The following ITPR2 variants were observed in gnomAD, a reference collection of about 807,000 sequenced individuals.
The protein encoded by ITPR2 is inositol 1,4,5-trisphosphate receptor type 2.
ITPR2 carries 207 observed loss-of-function variants against 317.1 expected under a neutral mutation model. The observed-to-expected ratio is 0.65, with a 90% confidence interval of 0.58 to 0.73. The LOEUF (loss-of-function observed/expected upper bound fraction) is 0.73, where lower values mean the gene tolerates loss of function less well. Ranked by LOEUF, ITPR2 falls within the 30% of genes least tolerant of loss-of-function variation. The probability of loss-of-function intolerance (pLI) is 0.00; values close to 1 mark genes in which losing one functional copy is unlikely to be tolerated. For missense variants in ITPR2, 2,613 were observed against 3,284.0 expected, an observed-to-expected ratio of 0.80 and a Z score of 4.99; for synonymous variants, 1,156 against 1,149.1, an observed-to-expected ratio of 1.01 and a Z score of -0.12.
rs760508679 is a variant in ITPR2, at chr12:26,543,856, AT to A, written c.5073+6390del. 4.6e-5 allele frequency among the ~76,000 whole-genome samples: 7 copies of A among 152,252 alleles called. No homozygotes were observed. The East Asian group carries it at 1.2e-3, about 25-fold the overall frequency. ...CCTACCCCAATGTTCCAACATACAT[AT>A]TTTTTTAAAGTACAAATAAATATGC... On this transcript the variant is annotated intron_variant, in intron 37 of 56. Transcript: ENST00000381340.
At chr12:26,626,084 C>T (rs1180006395) in intron 23 of ITPR2, among the ~76,000 whole-genome samples, 1 of 152,180 alleles carries the variant, frequency 6.6e-6, no homozygotes, top group Non-Finnish European at 1.5e-5. Context: ...GCCTCAGCCT[C>T]CTGAGTAGCT....
chr12:26,760,016 T>C lies in ITPR2; in HGVS notation c.163+30141A>G, dbSNP rs868210401. 4.6e-5 allele frequency among the ~76,000 whole-genome samples: 7 copies of C among 152,332 alleles called. 1 individual carries two copies. In the Middle Eastern group the frequency reaches 0.02, roughly 444 times the overall value. ...TCTACAGAAGCTCAAGTCCCTGATATAAAATGCTATAGTATTTGCATATAG... is the reference window on the plus strand; with the variant it reads ...TCTACAGAAGCTCAAGTCCCTGATACAAAATGCTATAGTATTTGCATATAG... On this transcript the variant is annotated intron_variant, in intron 2 of 56. Coordinates refer to ENST00000381340, the MANE Select transcript of ITPR2 (RefSeq NM_002223.4).
At chr12:26,452,339 T>C (rs1056912709) in intron 45 of ITPR2, among the ~76,000 whole-genome samples, 1 of 151,640 alleles carries the variant, frequency 6.6e-6, no homozygotes, top group Non-Finnish European at 1.5e-5. Context: ...AATGTTAACA[T>C]GTAGATACTC....
At position 26,339,369 on chromosome 12, in the gene ITPR2, A is replaced by C; in HGVS notation, c.*28T>G. On this transcript the variant is annotated 3_prime_UTR_variant, in exon 57 of 57. Coordinates refer to ENST00000381340, the MANE Select transcript of ITPR2 (RefSeq NM_002223.4). The stretch of plus-strand genomic sequence containing the variant: ...AGTGATCAGGCAGGACACTGATGAA[A>C]GGCTAGTCACGGCTTCCCCCCATGG... The C allele has an allele frequency of 6.3e-7, 1 of 1,576,148 alleles. No homozygotes were observed. The highest frequency in any genetic ancestry group is 8.7e-7 in the Non-Finnish European group (1 of 1,146,080).
rs78919001 is a variant in ITPR2, at chr12:26,681,990, G to A, written c.1293C>T (p.Ile431=). Reference sequence around the variant, plus strand: ...GAACTTCAGACAGTGGAACAGACACGATTGCGAACGCTTCTTTATCTTCTT... The same window carrying A: ...GAACTTCAGACAGTGGAACAGACACAATTGCGAACGCTTCTTTATCTTCTT... ...QTKEDKEAFA[I]VSVPLSEVRD... The change falls in exon 13 of 57, where the codon ATC becomes ATT. Residue 431 remains isoleucine (I), a synonymous_variant. Transcript: ENST00000381340. 3.9e-4 allele frequency: 629 copies of A among 1,613,586 alleles called. 2 individuals are homozygous for A. The Middle Eastern group carries it at 4.5e-3, about 11-fold the overall frequency.
At chr12:26,705,716 C>T (rs192518043) in intron 9 of ITPR2, among the ~76,000 whole-genome samples, 17 of 152,296 alleles carry the variant, frequency 1.1e-4, no homozygotes, top group African/African-American at 3.8e-4. Context: ...GCTAGTTCTC[C>T]AAAGCCAGAA....
chr12:26,754,909 C>A (rs761144277), intron 2 of ITPR2, among the ~76,000 whole-genome samples: 2 of 152,132 alleles, frequency 1.3e-5, no homozygotes, highest in African/African-American at 4.8e-5. Context: ...AGATTGAATA[C>A]ATTTGTCTGT....
At chr12:26,432,226 C>T (rs898300329) in intron 48 of ITPR2, among the ~76,000 whole-genome samples, 13 of 129,360 alleles carry the variant, frequency 1.0e-4, no homozygotes, top group Middle Eastern at 3.4e-3. Context: ...TCAGTTGTCA[C>T]GTCTCTTTAG....
chr12:26,478,473 C>T (rs1942466333), intron 43 of ITPR2, among the ~76,000 whole-genome samples: 1 of 152,040 alleles, frequency 6.6e-6, no homozygotes, highest in Admixed American at 6.6e-5. Context: ...AAAACCTTGG[C>T]AACACTGACA....
intron 34 of ITPR2, 50 bp downstream of exon 34, chr12:26,578,663 T>C: frequency 1.3e-6 from 2 of 1,542,398 alleles, no homozygotes; most frequent in Non-Finnish European, 1.8e-6. Flanking sequence ...GCCAAAAACC[T>C]AATTTCTTCA....
intron 2 of ITPR2, among the ~76,000 whole-genome samples, chr12:26,744,041 T>A (rs1565732936): frequency 6.6e-6 from 1 of 152,238 alleles, no homozygotes; most frequent in Non-Finnish European, 1.5e-5. Context: ...AGCAACAGTC[T>A]ACTAACAAGT....
intron 21 of ITPR2, among the ~76,000 whole-genome samples, chr12:26,647,245 G>A (rs956117270): frequency 2.0e-5 from 3 of 152,210 alleles, no homozygotes; most frequent in Non-Finnish European, 4.4e-5. Context: ...TTTCCAGACT[G>A]TGTCCACTCC....
intron 37 of ITPR2, among the ~76,000 whole-genome samples, chr12:26,547,417 G>C (rs1257119684): frequency 6.6e-6 from 1 of 152,188 alleles, no homozygotes; most frequent in Non-Finnish European, 1.5e-5. Context: ...ACGTTGATGA[G>C]GATGTGGAGA....
intron 2 of ITPR2, among the ~76,000 whole-genome samples, chr12:26,782,689 A>G (rs1950118591): frequency 6.6e-6 from 1 of 152,212 alleles, no homozygotes; most frequent in Non-Finnish European, 1.5e-5. Flanking sequence ...CCACTGCAAA[A>G]TCAGGATAGC....
intron 34 of ITPR2, among the ~76,000 whole-genome samples, chr12:26,575,364 G>C (rs531883204): frequency 5.3e-5 from 8 of 151,916 alleles, no homozygotes; most frequent in African/African-American, 1.9e-4. Flanking sequence ...TTAATTTCCT[G>C]CAGTGGTCCA....
intron 13 of ITPR2, among the ~76,000 whole-genome samples, chr12:26,670,303 T>A (rs1336112896): frequency 1.3e-5 from 2 of 152,024 alleles, no homozygotes; most frequent in Non-Finnish European, 2.9e-5. Context: ...CACCCCCCAG[T>A]AGGGGCAGAC....
chr12:26,479,019 T>C (rs1942483002), intron 43 of ITPR2, among the ~76,000 whole-genome samples: 1 of 151,698 alleles, frequency 6.6e-6, no homozygotes, highest in South Asian at 2.1e-4. Context: ...AAGTACCCTA[T>C]GCAAGGAAGT....
intron 55 of ITPR2, among the ~76,000 whole-genome samples, chr12:26,351,546 C>T (rs1938485383): frequency 6.6e-6 from 1 of 152,288 alleles, no homozygotes; most frequent in Admixed American, 6.5e-5. Flanking sequence ...ACCAGCTACT[C>T]AGGAGATTGA....
At chr12:26,774,708 C>T (rs951070295) in intron 2 of ITPR2, among the ~76,000 whole-genome samples, 4 of 152,122 alleles carry the variant, frequency 2.6e-5, no homozygotes, top group Admixed American at 1.3e-4. Context: ...GTCCTCAGGC[C>T]CAAGTTCACC....
Sources: gnomAD v4.1 joint callset for allele counts (sites outside exome capture counted in the v4.1 genomes callset) on GRCh38, gnomAD v4.1.1 for gene constraint, MANE v1.5 for transcripts, NCBI Gene and HGNC (gene_info 2026-07-23, HGNC 2026-07-21) for gene names.